Variants in NUTM2F observed in about 807,000 individuals in gnomAD.
NUTM2F encodes the protein family with sequence similarity 22, member F.
A neutral mutation model predicts 43.3 loss-of-function variants in NUTM2F; 22 were observed. The observed-to-expected ratio is 0.51, with a 90% CI of 0.36 to 0.73. NUTM2F has a LOEUF of 0.73. Among genes scored for constraint, NUTM2F ranks in the 30% least tolerant of loss-of-function variants. The pLI is 0.00. For synonymous variants in NUTM2F, 202 were observed against 389.0 expected, an observed-to-expected ratio of 0.52 and a Z score of 5.66; for missense variants, 488 against 927.4, an observed-to-expected ratio of 0.53 and a Z score of 6.15.
intron 1 of NUTM2F, among the ~76,000 whole-genome samples, chr9:94,326,455 A>G (rs953131250): frequency 6.6e-6 from 1 of 152,218 alleles, no homozygotes; most frequent in African/African-American, 2.4e-5. Flanking sequence ...ACAACAAAAG[A>G]AAACCACTGG....
chr9:94,327,860 C>T lies in NUTM2F; in HGVS notation c.16+748G>A, dbSNP rs375482179. On this transcript the variant is annotated intron_variant, in intron 1 of 6. Coordinates refer to ENST00000253262, the MANE Select transcript of NUTM2F (RefSeq NM_017561.2). ...CAAAGTACAGAGGACGGGCCATGAG[C>T]TAGCTGACGAGAGGAAGTGGGTCTG... 8.1e-5 allele frequency among the ~76,000 whole-genome samples: 12 copies of T among 148,824 alleles called. No individual in the cohort carries two copies. In the East Asian group the frequency reaches 2.0e-3, roughly 24 times the overall value.
chr9:94,322,682 G>T (rs896790408), intron 2 of NUTM2F, among the ~76,000 whole-genome samples: 4 of 152,018 alleles, frequency 2.6e-5, no homozygotes, highest in Non-Finnish European at 4.4e-5. Context: ...TCATGAGCGT[G>T]GGTCCCAGTC....
intron 3 of NUTM2F, 41 bp from the exon 4 acceptor site, chr9:94,321,273 G>C: frequency 6.4e-7 from 1 of 1,558,618 alleles, no homozygotes; most frequent in Non-Finnish European, 8.6e-7. Flanking sequence ...AGAGGGTCCA[G>C]GCCCCCTCCC....
At chr9:94,326,018 C>T (rs564944938) in intron 1 of NUTM2F, 84 bp from the exon 2 acceptor site, 2 of 1,502,700 alleles carry the variant, frequency 1.3e-6, no homozygotes, top group African/African-American at 2.7e-5. Context: ...GTCCCAACAG[C>T]TGAGGGCATG....
At chr9:94,324,662 CAA>C (rs539317022) in intron 2 of NUTM2F, among the ~76,000 whole-genome samples, 18 of 60,342 alleles carry the variant, frequency 3.0e-4, no homozygotes, top group Admixed American at 4.1e-4. Flanking sequence ...GACTCCATCT[CAA>C]AAAAAAAAAA....
intron 2 of NUTM2F, among the ~76,000 whole-genome samples, chr9:94,324,303 C>T (rs1288044199): frequency 1.7e-4 from 26 of 151,118 alleles, no homozygotes; most frequent in Non-Finnish European, 2.9e-5. Flanking sequence ...AAACCCTAAC[C>T]GTGGCTCATG....
intron 5 of NUTM2F, 83 bp from the exon 6 acceptor site, chr9:94,319,812 C>T (rs1035145596): frequency 1.6e-5 from 25 of 1,588,910 alleles, no homozygotes; most frequent in Admixed American, 1.5e-4. Context: ...ATGCAGAAAG[C>T]GGGGAGGGCC....
chr9:94,320,494 G>T lies in NUTM2F; in HGVS notation c.1082C>A (p.Pro361His), dbSNP rs757659638. The T allele has an allele frequency of 6.2e-7, 1 of 1,611,452 alleles. No individual in the cohort carries two copies. The highest frequency in any genetic ancestry group is 1.1e-5 in the South Asian group (1 of 90,954). Residue 361 changes from proline (P) to histidine (H), a missense_variant, in exon 5 of 7, where the codon CCC (proline) becomes CAC (histidine). By Grantham distance (77) the Pro-to-His change is moderately conservative. Transcript: ENST00000253262. The surrounding 1 kb of genome is among the most constrained non-coding windows in gnomAD (Gnocchi z 4.5). ...PAETKAHLPPPRPQRPAETNA... is the reference protein window; with the variant it reads ...PAETKAHLPPHRPQRPAETNA... ...GGTCTCCGCTGGCCTCTGGGGCCTG[G>T]GTGGTGGCAGGTGGGCCTTGGTCTC...
chr9:94,321,132 G>T lies in NUTM2F; in HGVS notation c.943C>A (p.Pro315Thr). ...ACCTCAGGGGCAGGGGGTCCTCGAG[G>T]TTCAAGCCTCGGCGGGGCTGGAGGA... ...LPPPAPPRLE[P>T]RGPPAPEVVK... Residue 315 changes from proline to threonine, a missense_variant, in exon 4 of 7, where the codon CCT becomes ACT. Coordinates refer to ENST00000253262, the MANE Select transcript of NUTM2F (RefSeq NM_017561.2). 6.4e-7 allele frequency: 1 copy of T among 1,553,690 alleles called. No individual in the cohort carries two copies. Among genetic ancestry groups the T allele is most frequent in the Non-Finnish European group, 8.6e-7 (1 of 1,157,388 alleles).
rs1254915695 is a variant in NUTM2F, at chr9:94,320,441, G to A, written c.1135C>T (p.Gln379Ter). Reference sequence around the variant, plus strand: ...GGGACCTTGGTCTCCGCTGGCCTCTGGGGCCTGGGTGGTGGCAGGTGGGCG... The same window carrying A: ...GGGACCTTGGTCTCCGCTGGCCTCTAGGGCCTGGGTGGTGGCAGGTGGGCG... ...TNAHLPPPRP[Q>*]RPAETKVPEE... is the part of the protein sequence containing the mutation. Residue 379 changes from glutamine to a stop codon, truncating the protein, a stop_gained, in exon 5 of 7, where the codon CAG becomes TAG. Coordinates refer to ENST00000253262, the MANE Select transcript of NUTM2F (RefSeq NM_017561.2). LOFTEE classifies it high-confidence loss of function. This position sits in a 1 kb window ranked among gnomAD's most constrained non-coding sequence, Gnocchi z 4.5. The A allele has an allele frequency of 4.4e-6, 7 of 1,603,648 alleles. No homozygotes were observed. The Admixed American group carries it at 6.8e-5, about 16-fold the overall frequency.
At chr9:94,321,356 G>A (rs1046216363) in intron 3 of NUTM2F, 124 bp from the exon 4 acceptor site, 14 of 1,476,326 alleles carry the variant, frequency 9.5e-6, no homozygotes, top group Non-Finnish European at 1.8e-6. Context: ...GCCCTCACTG[G>A]GACCCATCCC....
intron 1 of NUTM2F, 54 bp from the exon 2 acceptor site, chr9:94,325,988 G>A: frequency 4.4e-6 from 7 of 1,602,674 alleles, no homozygotes; most frequent in Non-Finnish European, 6.0e-6. Flanking sequence ...GTCCACACTA[G>A]TCACTGGGGA....
chr9:94,319,841 G>A (rs1831332471), intron 5 of NUTM2F, 112 bp from the exon 6 acceptor site: 5 of 1,291,546 alleles, frequency 3.9e-6, no homozygotes, highest in South Asian at 3.0e-5. Flanking sequence ...ACCCTCCTGG[G>A]GCTGTTTCAT....
intron 5 of NUTM2F, among the ~76,000 whole-genome samples, 196 bp from the exon 6 acceptor site, chr9:94,319,925 A>C (rs1831334896): frequency 6.6e-6 from 1 of 152,128 alleles, no homozygotes. Flanking sequence ...GAGACACACA[A>C]ACCACACACA....
intron 1 of NUTM2F, among the ~76,000 whole-genome samples, chr9:94,326,668 G>A (rs559460224): frequency 4.8e-5 from 7 of 146,234 alleles, no homozygotes; most frequent in South Asian, 2.2e-4. Context: ...TGCTTGAACC[G>A]AGGAGGCAGA....
In NUTM2F at chr9:94,320,344, C is replaced by T. The variant is rs1277425870; in HGVS notation, c.1232G>A (p.Gly411Glu). The change falls in exon 5 of 7, where the codon GGG (glycine) becomes GAG (glutamate). Residue 411 changes from glycine (G) to glutamate (E), a missense_variant. Gly to Glu is a moderately conservative substitution (Grantham distance 98). Coordinates refer to ENST00000253262, the MANE Select transcript of NUTM2F (RefSeq NM_017561.2). This position sits in a 1 kb window ranked among gnomAD's most constrained non-coding sequence, Gnocchi z 4.5. ...IMEELLGSHP[G>E]DTGEPEGQRE... ...TTGTCCCTCAGGCTCCCCTGTGTCC[C>T]CAGGGTGAGACCCCAGCAGCTCCTC... The T allele has an allele frequency of 6.2e-7, 1 of 1,613,684 alleles. No homozygotes were observed. Among genetic ancestry groups the T allele is most frequent in the Non-Finnish European group, 8.5e-7 (1 of 1,179,830 alleles).
Position 94,322,457 on chromosome 9 carries a change from A to G in NUTM2F, c.714-128T>C, listed in dbSNP as rs1831389448. The G allele has an allele frequency of 2.4e-5, 34 of 1,426,576 alleles. No homozygotes were observed. The South Asian group carries it at 4.0e-4, about 17-fold the overall frequency. The allele number at this position is 1,426,576 out of a possible 1,614,324, so 88.4% of individuals were successfully genotyped here. A position where few individuals can be genotyped will look rare whatever the true frequency, so the allele number is the denominator to read the frequency against. ...ATCTGTCCCTGTCCTGTTCTCCCCCATGTGGGCTCCTCAGCCTCCAGGACA... is the reference window on the plus strand; with the variant it reads ...ATCTGTCCCTGTCCTGTTCTCCCCCGTGTGGGCTCCTCAGCCTCCAGGACA... On this transcript the variant is annotated intron_variant, in intron 2 of 6. Coordinates refer to ENST00000253262, the MANE Select transcript of NUTM2F (RefSeq NM_017561.2).
intron 3 of NUTM2F, 131 bp downstream of exon 3, chr9:94,322,070 G>C: frequency 6.7e-7 from 1 of 1,482,132 alleles, no homozygotes; most frequent in Non-Finnish European, 9.2e-7. Context: ...AGGGAGCCAG[G>C]GGCCCAGGGC....
At chr9:94,321,851 G>A (rs1323017801) in intron 3 of NUTM2F, among the ~76,000 whole-genome samples, 2 of 151,364 alleles carry the variant, frequency 1.3e-5, no homozygotes, top group Admixed American at 6.6e-5. Flanking sequence ...GCTGTGAGGA[G>A]CCTGCCCCCC....
Sources: gnomAD v4.1 joint callset for allele counts (sites outside exome capture counted in the v4.1 genomes callset) on GRCh38, gnomAD v4.1.1 for gene constraint, Gnocchi (gnomAD v3.1) non-coding constraint, MANE v1.5 for transcripts, NCBI Gene and HGNC (gene_info 2026-07-23, HGNC 2026-07-21) for gene names.